The following SLC25A18 variants were observed in gnomAD, a reference collection of about 807,000 sequenced individuals.
SLC25A18 encodes the protein mitochondrial glutamate carrier 2.
Under a neutral mutation model 31.1 loss-of-function variants are expected in SLC25A18, and 24 were observed. The observed-to-expected ratio is 0.77, with a 90% CI of 0.56 to 1.08. The LOEUF is 1.08. Among genes scored for constraint, SLC25A18 ranks in the 50% least tolerant of loss-of-function variants. The pLI, the probability that SLC25A18 is intolerant of heterozygous loss-of-function variation, is 0.00. For synonymous variants in SLC25A18, 173 were observed against 161.9 expected (o/e 1.07, Z -0.52); for missense variants, 371 against 418.5 (o/e 0.89, Z 0.99).
Position 17,563,680 on chromosome 22 carries a change from G to A in SLC25A18, c.-297G>A, listed in dbSNP as rs932325042. 8.1e-6 allele frequency: 8 copies of A among 985,270 alleles called. No homozygotes were observed. In the East Asian group the frequency reaches 5.7e-4, roughly 70 times the overall value. The allele number at this position is 985,270 out of a possible 1,614,324, so 61.0% of individuals were successfully genotyped here. ...GGCCCGTGAGTGCCTCAACAACTGAGATGAACGTCGACTCGCTTGCAGGCA... is the reference window on the plus strand; with the variant it reads ...GGCCCGTGAGTGCCTCAACAACTGAAATGAACGTCGACTCGCTTGCAGGCA... On this transcript the variant is annotated 5_prime_UTR_variant, in exon 1 of 11. Transcript: ENST00000327451.
rs769347497 is a variant in SLC25A18 at position 17,583,424 on chromosome 22, G to A, written c.299G>A (p.Arg100Gln). The A allele has an allele frequency of 3.3e-5, 54 of 1,614,072 alleles. No homozygotes were observed. Among genetic ancestry groups the A allele is most frequent in the East Asian group, 1.1e-4 (5 of 44,878 alleles). Residue 100 changes from arginine (R) to glutamine (Q), a missense_variant, in exon 7 of 11, where the codon CGG becomes CAG. Arg to Gln is a conservative substitution (Grantham distance 43). Coordinates refer to ENST00000327451, the MANE Select transcript of SLC25A18 (RefSeq NM_031481.3). Reference protein sequence around the residue: ...RRLLMEDGMQRNLKMEMLAGC... With the variant: ...RRLLMEDGMQQNLKMEMLAGC... Reference sequence around the variant, plus strand: ...GACGCCTGTTCCCATAGGATGCAGCGGAACCTGAAGATGGAGATGCTTGCC... The same window carrying A: ...GACGCCTGTTCCCATAGGATGCAGCAGAACCTGAAGATGGAGATGCTTGCC...
intron 10 of SLC25A18, 113 bp downstream of exon 10, chr22:17,589,778 A>G: frequency 9.7e-7 from 1 of 1,031,588 alleles, no homozygotes; most frequent in Non-Finnish European, 1.5e-6. Flanking sequence ...GTTTCTTTGA[A>G]GTCTGTCTTT....
intron 1 of SLC25A18, among the ~76,000 whole-genome samples, chr22:17,569,110 G>A (rs890179222): frequency 6.6e-6 from 1 of 150,708 alleles, no homozygotes. Context: ...CTGGGTTCAC[G>A]CCATTCTCCT....
intron 2 of SLC25A18, among the ~76,000 whole-genome samples, chr22:17,574,833 A>ATTATTATTATTATTATTATTC: frequency 8.4e-6 from 1 of 119,132 alleles, no homozygotes; most frequent in African/African-American, 4.7e-5. Context: ...TGTTCCCTTT[A>ATTATTATTATTATTATTATTC]TTATTATTAT....
intron 2 of SLC25A18, among the ~76,000 whole-genome samples, chr22:17,573,432 G>A (rs423158): frequency 0.3 from 45,624 of 151,890 alleles, 7,152 homozygotes; most frequent in South Asian, 0.43. Context: ...CCACCTCCAC[G>A]TTTGAAAAAT....
intron 7 of SLC25A18, among the ~76,000 whole-genome samples, chr22:17,586,759 A>T (rs1244158296): frequency 6.6e-6 from 1 of 152,244 alleles, no homozygotes; most frequent in Non-Finnish European, 1.5e-5. Flanking sequence ...AATAAATAAA[A>T]TAACTAAAAA....
At chr22:17,569,203 T>C (rs1430435358) in intron 1 of SLC25A18, among the ~76,000 whole-genome samples, 2 of 151,494 alleles carry the variant, frequency 1.3e-5, no homozygotes, top group African/African-American at 2.4e-5. Flanking sequence ...AGACACGGGG[T>C]TTTACCATGT....
intron 9 of SLC25A18, chr22:17,588,836 C>G (rs564809638): frequency 6.6e-6 from 1 of 151,466 alleles, no homozygotes; most frequent in Non-Finnish European, 1.5e-5. Flanking sequence ...TTTGGGAGAC[C>G]GAGACAGGAG....
intron 2 of SLC25A18, among the ~76,000 whole-genome samples, chr22:17,574,992 C>T (rs1034706116): frequency 2.2e-4 from 33 of 152,164 alleles, no homozygotes; most frequent in African/African-American, 7.9e-4. Flanking sequence ...CCTGGGATTA[C>T]AGACATGCAT....
chr22:17,576,154 C>G (rs371796401), intron 2 of SLC25A18, among the ~76,000 whole-genome samples: 43 of 152,144 alleles, frequency 2.8e-4, no homozygotes, highest in African/African-American at 9.9e-4. Context: ...GAGATGGAGA[C>G]CATCTTGGCC....
intron 2 of SLC25A18, among the ~76,000 whole-genome samples, chr22:17,572,909 G>A (rs1424761629): frequency 2.0e-5 from 3 of 152,098 alleles, no homozygotes; most frequent in African/African-American, 7.2e-5. Flanking sequence ...CCGAAGTGCT[G>A]GGATTACAGG....
At chr22:17,581,559 G>A in intron 5 of SLC25A18, 146 bp downstream of exon 5, 1 of 843,672 alleles carries the variant, frequency 1.2e-6, no homozygotes, top group Non-Finnish European at 1.8e-6. Flanking sequence ...CTTGGGTGGA[G>A]ACAGAGGCAG....
rs66948770 is a variant in SLC25A18 at position 17,584,781 on chromosome 22, CAAAAAAAAAA to C, written c.409+1265_409+1274del. 6.5e-4 allele frequency among the ~76,000 whole-genome samples: 13 copies of C among 20,068 alleles called. No homozygotes were observed. The South Asian group carries it at 0.02, about 31-fold the overall frequency. The allele number at this position is 20,068 out of a possible 152,430, so 13.2% of individuals were successfully genotyped here. On this transcript the variant is annotated intron_variant, in intron 7 of 10. Coordinates refer to ENST00000327451, the MANE Select transcript of SLC25A18 (RefSeq NM_031481.3). ...GGAGGACAAAAGCGAGAATTCATCTCAAAAAAAAAAAAAAAAAAAAAAAAAAAGAAATGCC... is the reference window on the plus strand; with the variant it reads ...GGAGGACAAAAGCGAGAATTCATCTCAAAAAAAAAAAAAAAAAGAAATGCC...
chr22:17,578,938 ATTG>A (rs762121191), intron 2 of SLC25A18, among the ~76,000 whole-genome samples: 12 of 152,172 alleles, frequency 7.9e-5, no homozygotes, highest in Non-Finnish European at 1.8e-4. Flanking sequence ...AGCTGTCATA[ATTG>A]TTGTAGCTTC....
At chr22:17,578,662 G>A (rs1320876805) in intron 2 of SLC25A18, among the ~76,000 whole-genome samples, 1 of 152,230 alleles carries the variant, frequency 6.6e-6, no homozygotes, top group Non-Finnish European at 1.5e-5. Flanking sequence ...CAGGCATGGT[G>A]GCTCACACCT....
chr22:17,572,636 A>ATTTTTTTTTTTTTTTTT lies in SLC25A18; in HGVS notation c.-201+2650_-201+2651insTTTTTTTTTTTTTTTTT, dbSNP rs1601279642. Among the ~76,000 whole-genome samples, 2 of 103,094 alleles carry ATTTTTTTTTTTTTTTTT rather than the reference A, an allele frequency of 1.9e-5. 1 individual carries two copies. Among genetic ancestry groups the ATTTTTTTTTTTTTTTTT allele is most frequent in the African/African-American group, 7.1e-5 (2 of 28,046 alleles). The allele number at this position is 103,094 out of a possible 152,430, so 67.6% of individuals were successfully genotyped here. A position where few individuals can be genotyped will look rare whatever the true frequency, so the allele number is the denominator to read the frequency against. On this transcript the variant is annotated intron_variant, in intron 2 of 10. Coordinates refer to ENST00000327451, the MANE Select transcript of SLC25A18 (RefSeq NM_031481.3). ...TGGCGAGACCCCATCTCTACAAATA[A>ATTTTTTTTTTTTTTTTT]ATTTTTTTTTTTTTTTTTTTTTTGA... is the stretch of plus-strand genomic sequence containing the variant.
intron 7 of SLC25A18, among the ~76,000 whole-genome samples, chr22:17,584,422 A>AGAAAGAAAGAAAGAAAGAAAGAAAGGAAG (rs201926051): frequency 7.8e-4 from 105 of 134,166 alleles, no homozygotes; most frequent in Non-Finnish European, 1.2e-3. Flanking sequence ...AAAGAAAGAA[A>AGAAAGAAAGAAAGAAAGAAAGAAAGGAAG]GAAGGAAGGA....
chr22:17,564,613 G>A (rs1259160258), intron 1 of SLC25A18, among the ~76,000 whole-genome samples: 1 of 152,144 alleles, frequency 6.6e-6, no homozygotes, highest in Non-Finnish European at 1.5e-5. Context: ...TGTAATCCCA[G>A]CACTTTGGGA....
intron 7 of SLC25A18, among the ~76,000 whole-genome samples, chr22:17,585,816 T>C (rs74614984): frequency 6.8e-6 from 1 of 146,402 alleles, no homozygotes; most frequent in Admixed American, 6.7e-5. Context: ...GTCCAGCTAA[T>C]TTTTTTTTGT....
Sources: gnomAD v4.1 joint callset for allele counts (sites outside exome capture counted in the v4.1 genomes callset) on GRCh38, gnomAD v4.1.1 for gene constraint, MANE v1.5 for transcripts, NCBI Gene and HGNC (gene_info 2026-07-23, HGNC 2026-07-21) for gene names.